ITPR2: variants seen among roughly 807,000 people sequenced by gnomAD.
ITPR2 encodes inositol 1,4,5-trisphosphate-gated calcium channel ITPR2.
A neutral mutation model predicts 317.1 loss-of-function variants in ITPR2; 207 were observed. That is an observed-to-expected ratio of 0.65 (90% confidence interval 0.58 to 0.73). ITPR2 has a LOEUF of 0.73. ITPR2 is among the 30% of genes least tolerant of loss of function. ITPR2 has a pLI of 0.00. For synonymous variants in ITPR2, 1,156 were observed against 1,149.1 expected, an observed-to-expected ratio of 1.01 and a Z score of -0.12; for missense variants, 2,613 against 3,284.0, an observed-to-expected ratio of 0.80 and a Z score of 4.99.
intron 54 of ITPR2, among the ~76,000 whole-genome samples, chr12:26,391,563 T>G (rs1490929418): frequency 7.9e-6 from 1 of 126,198 alleles, no homozygotes; most frequent in Non-Finnish European, 1.7e-5. Flanking sequence ...TTCCTTTTTT[T>G]TTTTTTTTTT....
At chr12:26,418,270 T>C (rs1940784719) in intron 50 of ITPR2, among the ~76,000 whole-genome samples, 1 of 152,180 alleles carries the variant, frequency 6.6e-6, no homozygotes, top group Non-Finnish European at 1.5e-5. Flanking sequence ...AGGGATCATC[T>C]TATTGGACAA....
chr12:26,714,126 T>C (rs1948696926), intron 8 of ITPR2, among the ~76,000 whole-genome samples: 1 of 152,254 alleles, frequency 6.6e-6, no homozygotes, highest in Non-Finnish European at 1.5e-5. Context: ...ATAAACTTAG[T>C]TCTTTTTTAG....
intron 21 of ITPR2, among the ~76,000 whole-genome samples, chr12:26,645,128 C>T (rs1039908748): frequency 6.6e-6 from 1 of 152,136 alleles, no homozygotes; most frequent in Non-Finnish European, 1.5e-5. Flanking sequence ...ATCCTAAGAG[C>T]TCTCCCTAAT....
chr12:26,786,745 C>T (rs903873016), intron 2 of ITPR2, among the ~76,000 whole-genome samples: 6 of 152,118 alleles, frequency 3.9e-5, no homozygotes, highest in African/African-American at 1.4e-4. Context: ...TAATTGCCTA[C>T]CCGCTCTAAA....
intron 45 of ITPR2, among the ~76,000 whole-genome samples, chr12:26,461,627 A>AATATAT (rs754482854): frequency 9.7e-4 from 47 of 48,664 alleles, no homozygotes; most frequent in East Asian, 3.3e-3. Flanking sequence ...AAAGCATATA[A>AATATAT]ATATATATAT....
chr12:26,481,930 A>G (rs1048700419), intron 42 of ITPR2, among the ~76,000 whole-genome samples: 1 of 152,230 alleles, frequency 6.6e-6, no homozygotes, highest in Admixed American at 6.5e-5. Context: ...GAAGGTTAAG[A>G]TCGACCATGC....
At chr12:26,688,885 C>G (rs1948180877) in intron 10 of ITPR2, among the ~76,000 whole-genome samples, 2 of 152,088 alleles carry the variant, frequency 1.3e-5, no homozygotes, top group Non-Finnish European at 2.9e-5. Flanking sequence ...AGGGGGAAAA[C>G]CACCCTCTCA....
At chr12:26,650,990 C>T (rs1168136291) in intron 21 of ITPR2, among the ~76,000 whole-genome samples, 1 of 152,060 alleles carries the variant, frequency 6.6e-6, no homozygotes, top group Non-Finnish European at 1.5e-5. Context: ...ATACGCTTTC[C>T]TTTTTTCTCC....
chr12:26,815,873 C>A (rs1189252840), intron 1 of ITPR2, among the ~76,000 whole-genome samples: 1 of 151,920 alleles, frequency 6.6e-6, no homozygotes, highest in African/African-American at 2.4e-5. Flanking sequence ...GCAGGTGGAT[C>A]ACGAGGTCAG....
chr12:26,801,742 T>A (rs1047175878), intron 1 of ITPR2, among the ~76,000 whole-genome samples: 1 of 152,208 alleles, frequency 6.6e-6, no homozygotes, highest in East Asian at 1.9e-4. Flanking sequence ...GTTGTACATG[T>A]GCCAAAAGTC....
chr12:26,565,480 C>CAGA (rs1286986557), intron 34 of ITPR2, among the ~76,000 whole-genome samples: 1 of 138,952 alleles, frequency 7.2e-6, no homozygotes, highest in Admixed American at 7.2e-5. Flanking sequence ...AATAGATAGA[C>CAGA]AGATGATAGA....
At position 26,339,363 on chromosome 12, in the gene ITPR2, G is replaced by A. The variant is rs1938025491; in HGVS notation, c.*34C>T. The stretch of plus-strand genomic sequence containing the variant: ...TTATTCAGTGATCAGGCAGGACACT[G>A]ATGAAAGGCTAGTCACGGCTTCCCC... On this transcript the variant is annotated 3_prime_UTR_variant, in exon 57 of 57. Coordinates refer to ENST00000381340, the MANE Select transcript of ITPR2 (RefSeq NM_002223.4). The A allele has an allele frequency of 6.5e-7, 1 of 1,549,354 alleles. No individual in the cohort carries two copies.
At chr12:26,690,362 GCGC>G (rs960730115) in intron 10 of ITPR2, among the ~76,000 whole-genome samples, 20 of 14,316 alleles carry the variant, frequency 1.4e-3, no homozygotes, top group African/African-American at 7.2e-3. Context: ...TAAATGGCAA[GCGC>G]CAGTCTTCTT....
At chr12:26,756,854 A>T (rs956273977) in intron 2 of ITPR2, among the ~76,000 whole-genome samples, 3 of 152,192 alleles carry the variant, frequency 2.0e-5, no homozygotes, top group Non-Finnish European at 4.4e-5. Context: ...TGAGGCTGAG[A>T]CCTATTGGGC....
chr12:26,348,378 C>A (rs555916943), intron 55 of ITPR2, among the ~76,000 whole-genome samples: 1 of 152,278 alleles, frequency 6.6e-6, no homozygotes, highest in South Asian at 2.1e-4. Context: ...CACCTCTGCT[C>A]GATTTCAGTA....
intron 2 of ITPR2, among the ~76,000 whole-genome samples, chr12:26,774,010 T>TTTTTTTTA (rs150425593): frequency 8.9e-6 from 1 of 112,046 alleles, no homozygotes; most frequent in Non-Finnish European, 1.9e-5. Flanking sequence ...TTTTTTTTTT[T>TTTTTTTTA]AGTATAAAGC....
chr12:26,578,174 T>TTCTC (rs140732351), intron 34 of ITPR2, among the ~76,000 whole-genome samples: 1,474 of 147,218 alleles, frequency 0.01, 28 homozygotes, highest in African/African-American at 0.035. Flanking sequence ...CTTATTAACT[T>TTCTC]TCTCTCTCTC....
At chr12:26,645,988 T>TG in intron 21 of ITPR2, among the ~76,000 whole-genome samples, 1 of 148,566 alleles carries the variant, frequency 6.7e-6, no homozygotes, top group South Asian at 2.2e-4. Flanking sequence ...TTTTTTTTTT[T>TG]TTGGTAAGAT....
chr12:26,818,247 C>CTT (rs1950890797), intron 1 of ITPR2, among the ~76,000 whole-genome samples: 1 of 152,178 alleles, frequency 6.6e-6, no homozygotes, highest in Admixed American at 6.5e-5. Context: ...AAATTACTGC[C>CTT]TCTCAGAACT....
Sources: allele counts gnomAD v4.1 joint callset (sites outside exome capture counted in the v4.1 genomes callset), GRCh38; gene constraint gnomAD v4.1.1; transcripts MANE v1.5; gene names NCBI Gene and HGNC (gene_info 2026-07-23, HGNC 2026-07-21).